The following HMCN1 variants were observed in gnomAD, a reference collection of about 807,000 sequenced individuals.
The protein encoded by HMCN1 is hemicentin 1.
HMCN1 carries 321 observed loss-of-function variants against 625.9 expected under a neutral mutation model. That is an observed-to-expected ratio of 0.51 (90% confidence interval 0.47 to 0.56). HMCN1 has a LOEUF of 0.56. HMCN1 is among the 20% of genes least tolerant of loss of function. The probability of loss-of-function intolerance (pLI) is 0.00; values close to 1 mark genes in which losing one functional copy is unlikely to be tolerated. For missense variants in HMCN1, 6,588 were observed against 6,887.3 expected (o/e 0.96, Z 1.54); for synonymous variants, 2,425 against 2,417.6 (o/e 1.00, Z -0.09).
chr1:185,820,592 C>A (rs1660124547), intron 1 of HMCN1, among the ~76,000 whole-genome samples: 1 of 152,026 alleles, frequency 6.6e-6, no homozygotes, highest in Non-Finnish European at 1.5e-5. Flanking sequence ...TTCTTGTACT[C>A]AAATAAGGTT....
In HMCN1 at chr1:186,151,302, A is replaced by G. The variant is rs774497609; in HGVS notation, c.14711A>G (p.Asp4904Gly). ...ACAATAACTGATAGCCCTAACTCTG[A>G]TACTAGAATAATACGTGCCAAAATT... is the stretch of plus-strand genomic sequence containing the variant. The part of the protein sequence containing the change: ...NATITDSPNS[D>G]TRIIRAKITN... Residue 4904 changes from aspartate to glycine, a missense_variant, in exon 94 of 107, where the codon GAT (aspartate) becomes GGT (glycine). Asp to Gly is a moderately conservative substitution (Grantham distance 94). Coordinates refer to ENST00000271588, the MANE Select transcript of HMCN1 (RefSeq NM_031935.3). 1.9e-6 allele frequency: 3 copies of G among 1,613,738 alleles called. No individual in the cohort carries two copies. The highest frequency in any genetic ancestry group is 2.5e-6 in the Non-Finnish European group (3 of 1,179,676).
chr1:186,023,661 C>T (rs935213767), intron 36 of HMCN1, among the ~76,000 whole-genome samples: 1 of 152,136 alleles, frequency 6.6e-6, no homozygotes, highest in African/African-American at 2.4e-5. Flanking sequence ...GAATATACCA[C>T]TTCAGATCTC....
chr1:185,799,384 G>T (rs1279159234), intron 1 of HMCN1, among the ~76,000 whole-genome samples: 2 of 152,180 alleles, frequency 1.3e-5, no homozygotes, highest in African/African-American at 4.8e-5. Flanking sequence ...TGGTCTGTGG[G>T]ATGCCCAATG....
chr1:186,103,817 G>A, intron 69 of HMCN1, 149 bp downstream of exon 69: 1 of 661,314 alleles, frequency 1.5e-6, no homozygotes, highest in East Asian at 2.7e-5. Flanking sequence ...TGATATGCAT[G>A]ATTGGGTAAC....
In HMCN1 at chr1:185,737,917, G is replaced by A. The variant is rs1033001939; in HGVS notation, c.268+2870G>A. On this transcript the variant is annotated intron_variant, in intron 1 of 106. Coordinates refer to ENST00000271588, the MANE Select transcript of HMCN1 (RefSeq NM_031935.3). ...ACACATGGAACACATAGGTAGTGGA[G>A]GCAGGGTGTCTAACAAGTTGAAAAT... is the stretch of plus-strand genomic sequence containing the variant. Among the ~76,000 whole-genome samples, 5 of 152,178 alleles carry A rather than the reference G, an allele frequency of 3.3e-5. No individual in the cohort carries two copies. In the East Asian group the frequency reaches 9.6e-4, roughly 29 times the overall value.
At chr1:185,972,244 C>A (rs1650885680) in intron 15 of HMCN1, among the ~76,000 whole-genome samples, 1 of 152,122 alleles carries the variant, frequency 6.6e-6, no homozygotes, top group Non-Finnish European at 1.5e-5. Flanking sequence ...ACCCTCAGTC[C>A]CCTCAAAGTT....
rs1652094853 is a variant in HMCN1 at position 185,987,692 on chromosome 1, G to T, written c.3048+148G>T. ...ATTTCCTATGTGGCTGGACAGATGT[G>T]CTAGGAACCCTCCAAGAAACCATAT... On this transcript the variant is annotated intron_variant, in intron 20 of 106. Transcript: ENST00000271588. The T allele has an allele frequency of 3.5e-5, 25 of 709,420 alleles. No individual in the cohort carries two copies. The East Asian group carries it at 6.5e-4, about 18-fold the overall frequency. The allele number at this position is 709,420 out of a possible 1,614,324, so 43.9% of individuals were successfully genotyped here. A position where few individuals can be genotyped will look rare whatever the true frequency, so the allele number is the denominator to read the frequency against.
chr1:185,774,900 G>C (rs1026725984), intron 1 of HMCN1, among the ~76,000 whole-genome samples: 2 of 152,134 alleles, frequency 1.3e-5, no homozygotes, highest in East Asian at 3.9e-4. Context: ...ATCTTTCAGG[G>C]ATAAAGCTTA....
At chr1:185,884,515 T>C (rs1664513560) in intron 4 of HMCN1, among the ~76,000 whole-genome samples, 1 of 152,062 alleles carries the variant, frequency 6.6e-6, no homozygotes, top group Non-Finnish European at 1.5e-5. Context: ...CTAGAAATCC[T>C]GAACTCATCT....
At chr1:185,912,659 C>G (rs927922130) in intron 6 of HMCN1, among the ~76,000 whole-genome samples, 4 of 151,824 alleles carry the variant, frequency 2.6e-5, no homozygotes, top group African/African-American at 9.7e-5. Flanking sequence ...AAAGGTTGTT[C>G]GGCTGAGGAA....
At chr1:185,970,235 T>C (rs942504377) in intron 14 of HMCN1, 100 bp from the exon 15 acceptor site, 2 of 1,121,506 alleles carry the variant, frequency 1.8e-6, no homozygotes, top group African/African-American at 3.1e-5. Context: ...TTAAAAACTT[T>C]GCAATCAACT....
At chr1:185,945,681 G>A (rs571083372) in intron 11 of HMCN1, among the ~76,000 whole-genome samples, 1 of 152,162 alleles carries the variant, frequency 6.6e-6, no homozygotes. Flanking sequence ...TGACTAAAAG[G>A]TAGAAGTCTT....
intron 11 of HMCN1, among the ~76,000 whole-genome samples, chr1:185,961,148 G>A (rs1378220830): frequency 2.0e-5 from 3 of 152,170 alleles, no homozygotes; most frequent in South Asian, 2.1e-4. Context: ...GGGGACAATT[G>A]TAAGCTGCTA....
intron 1 of HMCN1, among the ~76,000 whole-genome samples, chr1:185,809,070 G>A (rs190452526): frequency 5.6e-4 from 86 of 152,220 alleles, no homozygotes; most frequent in Non-Finnish European, 1.0e-3. Flanking sequence ...ATAGTATTCG[G>A]TGTAGTACTT....
In HMCN1 at chr1:186,119,281, T is replaced by G; in HGVS notation, c.11939T>G (p.Val3980Gly). Reference protein sequence around the residue: ...RNAAGSAHRHVTLHVHEPPVI... With the variant: ...RNAAGSAHRHGTLHVHEPPVI... ...GCGGCTGGCTCTGCACATCGACACG[T>G]GACCCTTCATGTTCATGGTATGGAA... The change falls in exon 78 of 107, where the codon GTG (valine) becomes GGG (glycine). Residue 3980 changes from valine (V) to glycine (G), a missense_variant. By Grantham distance (109) the Val-to-Gly change is moderately radical. This residue lies in a region of HMCN1 where 4,628 missense variants were observed against 4,853.1 expected (regional missense o/e 0.95). Transcript: ENST00000271588. The G allele has an allele frequency of 6.2e-7, 1 of 1,613,234 alleles. No homozygotes were observed. Among genetic ancestry groups the G allele is most frequent in the Non-Finnish European group, 8.5e-7 (1 of 1,179,180 alleles).
Position 186,053,917 on chromosome 1 carries a change from G to A in HMCN1, c.6793G>A (p.Ala2265Thr), listed in dbSNP as rs1463606540. ...TTCAATTGCTGAAAAGTCTGATGCA[G>A]CACTCTATTCATGTGTGGCGTCGAA... is the stretch of plus-strand genomic sequence containing the variant. ...QISIAEKSDA[A>T]LYSCVASNVA... Residue 2265 changes from alanine (A) to threonine (T), a missense_variant, in exon 44 of 107, where the codon GCA becomes ACA. This residue lies in a region of HMCN1 where 4,628 missense variants were observed against 4,853.1 expected (regional missense o/e 0.95). Coordinates refer to ENST00000271588, the MANE Select transcript of HMCN1 (RefSeq NM_031935.3). 1 of 1,612,616 alleles carries A rather than the reference G, an allele frequency of 6.2e-7. No individual in the cohort carries two copies. Among genetic ancestry groups the A allele is most frequent in the Non-Finnish European group, 8.5e-7 (1 of 1,179,210 alleles).
intron 55 of HMCN1, among the ~76,000 whole-genome samples, chr1:186,080,732 C>T (rs932366994): frequency 9.2e-5 from 14 of 152,268 alleles, no homozygotes; most frequent in African/African-American, 3.4e-4. Flanking sequence ...GGGAAACACA[C>T]TTTGAATCAC....
rs759177314 is a variant in HMCN1, at chr1:186,057,355, A to G, written c.7266A>G (p.Lys2422=). The stretch of plus-strand genomic sequence containing the variant: ...CCCTGCCTTCCATAACCTGGTTCAA[A>G]GATGGGTGGCCTGTCAGCCTTAGCA... ...GIPLPSITWF[K]DGWPVSLSNS... The change falls in exon 46 of 107, where the codon AAA becomes AAG. Residue 2422 remains lysine (K), a synonymous_variant. Coordinates refer to ENST00000271588, the MANE Select transcript of HMCN1 (RefSeq NM_031935.3). The G allele has an allele frequency of 5.6e-6, 9 of 1,611,270 alleles. No homozygotes were observed. In the South Asian group the frequency reaches 9.9e-5, roughly 18 times the overall value.
In HMCN1 at chr1:186,095,315, C is replaced by T. The variant is rs755224153; in HGVS notation, c.10367C>T (p.Ala3456Val). 2 of 1,613,644 alleles carry T rather than the reference C, an allele frequency of 1.2e-6. No individual in the cohort carries two copies. The highest frequency in any genetic ancestry group is 1.1e-5 in the South Asian group (1 of 91,086). ...CTCAAAGGTAGTTCCACCTCTATGG[C>T]ATGCATTACTGATGGAACCCCAGCT... Reference protein sequence around the residue: ...TVLKGSSTSMACITDGTPAPS... With the variant: ...TVLKGSSTSMVCITDGTPAPS... Residue 3456 changes from alanine to valine, a missense_variant, in exon 68 of 107, where the codon GCA becomes GTA. Physicochemically the swap from Ala to Val is moderately conservative, Grantham distance 64. Around this residue, in one of 3 missense-constraint regions of HMCN1, gnomAD observed 4,628 missense variants for 4,853.1 expected, o/e 0.95. Transcript: ENST00000271588.
Sources: gnomAD v4.1 joint callset for allele counts (sites outside exome capture counted in the v4.1 genomes callset) on GRCh38, gnomAD v4.1.1 for gene constraint, gnomAD v4.1.1 regional missense constraint, MANE v1.5 for transcripts, NCBI Gene and HGNC (gene_info 2026-07-23, HGNC 2026-07-21) for gene names.